The following THSD7B variants were observed in gnomAD, a reference collection of about 807,000 sequenced individuals.
THSD7B encodes thrombospondin type-1 domain-containing protein 7B.
Under a neutral mutation model 213.6 loss-of-function variants are expected in THSD7B, and 138 were observed. The observed-to-expected ratio is 0.65, with a 90% CI of 0.56 to 0.74. The LOEUF is 0.74. Among genes scored for constraint, THSD7B ranks in the 30% least tolerant of loss-of-function variants. The pLI is 0.00. For synonymous variants in THSD7B, 742 were observed against 687.0 expected, an observed-to-expected ratio of 1.08 and a Z score of -1.25; for missense variants, 1,931 against 1,991.5, an observed-to-expected ratio of 0.97 and a Z score of 0.58.
At chr2:137,332,734 C>G (rs1684543557) in intron 12 of THSD7B, among the ~76,000 whole-genome samples, 2 of 152,116 alleles carry the variant, frequency 1.3e-5, no homozygotes, top group Admixed American at 1.3e-4. Context: ...GGCAGTTTCC[C>G]TCATACTATT....
At chr2:137,665,489 A>G (rs1377850525) in intron 26 of THSD7B, among the ~76,000 whole-genome samples, 1 of 151,892 alleles carries the variant, frequency 6.6e-6, no homozygotes, top group African/African-American at 2.4e-5. Context: ...AAGTATATAT[A>G]AAATATATAT....
At chr2:136,796,944 C>G (rs1489073609) in intron 1 of THSD7B, among the ~76,000 whole-genome samples, 1 of 150,108 alleles carries the variant, frequency 6.7e-6, no homozygotes, top group African/African-American at 2.4e-5. Context: ...GTATAACTAC[C>G]AATTTTACTG....
intron 12 of THSD7B, among the ~76,000 whole-genome samples, chr2:137,366,040 A>G (rs1035876428): frequency 1.6e-4 from 25 of 151,856 alleles, no homozygotes; most frequent in Non-Finnish European, 2.6e-4. Flanking sequence ...GCAAATATAC[A>G]CCATGGAATA....
intron 5 of THSD7B, among the ~76,000 whole-genome samples, chr2:137,151,996 A>G: frequency 7.7e-6 from 1 of 129,350 alleles, no homozygotes; most frequent in Admixed American, 8.5e-5. Context: ...CCAGTTTCAA[A>G]GCTACCTTAA....
chr2:137,079,342 G>C (rs1184820398), intron 3 of THSD7B, among the ~76,000 whole-genome samples: 3 of 151,904 alleles, frequency 2.0e-5, no homozygotes, highest in African/African-American at 7.3e-5. Context: ...ACTGTTATTA[G>C]TATGTTTCTT....
At chr2:136,838,926 C>T (rs1292923644) in intron 1 of THSD7B, among the ~76,000 whole-genome samples, 2 of 152,200 alleles carry the variant, frequency 1.3e-5, no homozygotes, top group Admixed American at 1.3e-4. Flanking sequence ...TTTCTTCATT[C>T]TCTCAGCTCC....
At chr2:136,838,926 C>A (rs1292923644) in intron 1 of THSD7B, among the ~76,000 whole-genome samples, 2 of 152,200 alleles carry the variant, frequency 1.3e-5, no homozygotes, top group African/African-American at 4.8e-5. Context: ...TTTCTTCATT[C>A]TCTCAGCTCC....
Position 137,411,749 on chromosome 2 carries a change from C to G in THSD7B, c.2836C>G (p.Pro946Ala). The G allele has an allele frequency of 6.2e-7, 1 of 1,613,936 alleles. No individual in the cohort carries two copies. Among genetic ancestry groups the G allele is most frequent in the Non-Finnish European group, 8.5e-7 (1 of 1,179,906 alleles). The stretch of plus-strand genomic sequence containing the variant: ...CATTCTTCCAGAAGGCAGAAGGGAG[C>G]CTCACCGAGGACTGCGGGTACAAGC... ...DCILPEGRRE[P>A]HRGLRVQADS... The change falls in exon 14 of 28, where the codon CCT becomes GCT. Residue 946 changes from proline to alanine, a missense_variant. Physicochemically the swap from Pro to Ala is conservative, Grantham distance 27. Transcript: ENST00000409968.
intron 16 of THSD7B, among the ~76,000 whole-genome samples, chr2:137,571,333 TTGC>T (rs1319040791): frequency 2.0e-5 from 3 of 152,216 alleles, no homozygotes; most frequent in Admixed American, 2.0e-4. Context: ...GGTTATACTC[TTGC>T]TGAACATTTG....
chr2:136,972,988 A>G (rs1156660834), intron 2 of THSD7B, among the ~76,000 whole-genome samples: 3 of 152,136 alleles, frequency 2.0e-5, no homozygotes, highest in Non-Finnish European at 2.9e-5. Context: ...GTTTAAAAAC[A>G]TTTGGTATGT....
At chr2:137,085,478 GAT>G (rs1365031483) in intron 3 of THSD7B, among the ~76,000 whole-genome samples, 1 of 151,840 alleles carries the variant, frequency 6.6e-6, no homozygotes, top group Admixed American at 6.6e-5. Flanking sequence ...ATGAGAACAA[GAT>G]AATATTTAAA....
At chr2:136,931,572 C>T (rs1573717524) in intron 2 of THSD7B, among the ~76,000 whole-genome samples, 1 of 152,234 alleles carries the variant, frequency 6.6e-6, no homozygotes, top group Admixed American at 6.5e-5. Flanking sequence ...CGCTATTGGT[C>T]TGCTTGGTGC....
intron 7 of THSD7B, among the ~76,000 whole-genome samples, chr2:137,179,557 G>A (rs1267138082): frequency 6.6e-6 from 1 of 151,214 alleles, no homozygotes; most frequent in Non-Finnish European, 1.5e-5. Flanking sequence ...AATGTGTTCA[G>A]GAAATATAGT....
At chr2:137,249,822 T>C (rs1682129559) in intron 10 of THSD7B, among the ~76,000 whole-genome samples, 1 of 152,226 alleles carries the variant, frequency 6.6e-6, no homozygotes, top group Non-Finnish European at 1.5e-5. Context: ...AGATAGTCTT[T>C]CTTGTCTATT....
chr2:137,589,972 T>C (rs148627587), intron 17 of THSD7B, among the ~76,000 whole-genome samples: 1,569 of 152,294 alleles, frequency 0.01, 13 homozygotes, highest in Middle Eastern at 0.014. Context: ...AAGCTGCCAG[T>C]TGTGTTTAAA....
chr2:137,383,348 G>T (rs571169680), intron 12 of THSD7B, among the ~76,000 whole-genome samples: 1 of 152,162 alleles, frequency 6.6e-6, no homozygotes, highest in Non-Finnish European at 1.5e-5. Context: ...TACTGCTGTG[G>T]CCTCTGAGTC....
chr2:137,595,893 T>C (rs1681948659), intron 17 of THSD7B, among the ~76,000 whole-genome samples: 1 of 151,920 alleles, frequency 6.6e-6, no homozygotes, highest in African/African-American at 2.4e-5. Context: ...CATTAAATAG[T>C]ATATTTTTGG....
chr2:137,410,534 G>A (rs961231339), intron 13 of THSD7B, among the ~76,000 whole-genome samples: 1 of 152,132 alleles, frequency 6.6e-6, no homozygotes. Context: ...CTCCCAAAGT[G>A]CTGGGATTAC....
chr2:137,491,230 T>C (rs1411794625), intron 15 of THSD7B, among the ~76,000 whole-genome samples: 1 of 152,206 alleles, frequency 6.6e-6, no homozygotes, highest in Admixed American at 6.5e-5. Flanking sequence ...GCTGTGTGTA[T>C]ACAAAAGAAA....
Sources: allele counts gnomAD v4.1 joint callset (sites outside exome capture counted in the v4.1 genomes callset), GRCh38; gene constraint gnomAD v4.1.1; transcripts MANE v1.5; gene names NCBI Gene and HGNC (gene_info 2026-07-23, HGNC 2026-07-21).